PLA2G4C: variants seen among roughly 807,000 people sequenced by gnomAD.
PLA2G4C encodes the protein cytosolic phospholipase A2 gamma.
PLA2G4C carries 64 observed loss-of-function variants against 73.8 expected under a neutral mutation model. The observed-to-expected ratio is 0.87, with a 90% CI of 0.71 to 1.07. The LOEUF (loss-of-function observed/expected upper bound fraction) is 1.07. Ranked by LOEUF, PLA2G4C falls within the 50% of genes least tolerant of loss-of-function variation. PLA2G4C has a pLI of 0.00. For synonymous variants in PLA2G4C, 254 were observed against 252.1 expected, an observed-to-expected ratio of 1.01 and a Z score of -0.07; for missense variants, 622 against 665.4, an observed-to-expected ratio of 0.93 and a Z score of 0.72.
chr19:48,074,690 G>A, intron 12 of PLA2G4C, 77 bp downstream of exon 12: 1 of 949,454 alleles, frequency 1.1e-6, no homozygotes, highest in Non-Finnish European at 1.7e-6. Flanking sequence ...TGGCCCACAG[G>A]GGTGGGGAAG....
At chr19:48,053,754 T>C (rs1014680058) in intron 15 of PLA2G4C, among the ~76,000 whole-genome samples, 3 of 152,128 alleles carry the variant, frequency 2.0e-5, no homozygotes, top group African/African-American at 7.2e-5. Context: ...CAATAAATGT[T>C]CGTTAAATGA....
chr19:48,064,289 C>G (rs939835918), intron 13 of PLA2G4C, among the ~76,000 whole-genome samples: 23 of 152,020 alleles, frequency 1.5e-4, no homozygotes, highest in African/African-American at 5.1e-4. Context: ...ATTAGCCAGG[C>G]GTGGTGGCAC....
intron 9 of PLA2G4C, among the ~76,000 whole-genome samples, chr19:48,086,884 C>T (rs11564574): frequency 0.027 from 4,182 of 152,262 alleles, 150 homozygotes; most frequent in African/African-American, 0.084. Flanking sequence ...TAAGGCTGTC[C>T]ATCAGCAAGG....
chr19:48,057,525 T>C (rs1968001728), intron 14 of PLA2G4C, among the ~76,000 whole-genome samples: 1 of 113,578 alleles, frequency 8.8e-6, no homozygotes, highest in South Asian at 3.3e-4. Context: ...AGTCTCGCTC[T>C]GTTGCCCAGG....
At chr19:48,090,687 T>C in intron 7 of PLA2G4C, 1 of 442,016 alleles carries the variant, frequency 2.3e-6, no homozygotes, top group Non-Finnish European at 4.1e-6. Flanking sequence ...GTAGACTGGC[T>C]ACCCCAAGGC....
At chr19:48,100,004 A>T (rs1325947189) in intron 4 of PLA2G4C, 144 bp from the exon 5 acceptor site, 2 of 555,010 alleles carry the variant, frequency 3.6e-6, no homozygotes, top group Non-Finnish European at 6.3e-6. Context: ...AATTTCCATT[A>T]AATAAATACA....
chr19:48,107,153 G>C (rs1369197843), intron 1 of PLA2G4C, among the ~76,000 whole-genome samples: 9 of 151,700 alleles, frequency 5.9e-5, no homozygotes, highest in Non-Finnish European at 1.2e-4. Flanking sequence ...CCTGAGACTA[G>C]GGTTTTTTAA....
Position 48,062,052 on chromosome 19 carries a change from CG to C in PLA2G4C, c.1202del (p.Thr401SerfsTer38). The C allele has an allele frequency of 6.2e-7, 1 of 1,613,842 alleles. No individual in the cohort carries two copies. Among genetic ancestry groups the C allele is most frequent in the South Asian group, 1.1e-5 (1 of 91,064 alleles). On this transcript the variant is annotated frameshift_variant, in exon 14 of 17. Coordinates refer to ENST00000599921, the MANE Select transcript of PLA2G4C (RefSeq NM_003706.3). LOFTEE classifies it high-confidence loss of function. ...AGGAGAGGATGAGGTGAACCTCCCG[CG>C]TCGGGGGCAGCACGAGTGGGAAGGG... ...NTPFPLVLPP[T>X]REVHLILSFD...
intron 16 of PLA2G4C, among the ~76,000 whole-genome samples, chr19:48,050,673 CTTTTTTTTTTT>C (rs5828330): frequency 1.3e-5 from 1 of 78,746 alleles, no homozygotes; most frequent in African/African-American, 4.3e-5. Flanking sequence ...GAGTATGTGA[CTTTTTTTTTTT>C]TTTTTTTTGA....
Position 48,110,739 on chromosome 19 carries a change from G to A in PLA2G4C, c.-285C>T, listed in dbSNP as rs530531077. ...CCTGGTCCTGAGCAGGGCCAACCTG[G>A]AGGTAAAATGGCCCCTGCGCCTTTA... On this transcript the variant is annotated 5_prime_UTR_variant, in exon 1 of 17. Coordinates refer to ENST00000599921, the MANE Select transcript of PLA2G4C (RefSeq NM_003706.3). The A allele has an allele frequency of 4.9e-6, 2 of 409,998 alleles. No individual in the cohort carries two copies. Among genetic ancestry groups the A allele is most frequent in the East Asian group, 4.1e-5 (1 of 24,454 alleles). 25.4% of individuals were successfully genotyped at this position (409,998 alleles called of 1,614,324 possible).
chr19:48,066,743 T>A (rs1968438449), intron 13 of PLA2G4C, among the ~76,000 whole-genome samples: 1 of 151,858 alleles, frequency 6.6e-6, no homozygotes, highest in Non-Finnish European at 1.5e-5. Context: ...GGTGGGAGGA[T>A]CGCTTGAGCC....
At chr19:48,082,027 G>T (rs1420733559) in intron 10 of PLA2G4C, among the ~76,000 whole-genome samples, 1 of 151,958 alleles carries the variant, frequency 6.6e-6, no homozygotes. Flanking sequence ...GTTGCAGTGA[G>T]ACGAGATCTT....
intron 16 of PLA2G4C, among the ~76,000 whole-genome samples, chr19:48,051,207 G>A (rs953405785): frequency 1.3e-5 from 2 of 152,184 alleles, no homozygotes; most frequent in African/African-American, 4.8e-5. Context: ...GCTGAAAAAG[G>A]CAAGGAACAG....
At position 48,067,667 on chromosome 19, in the gene PLA2G4C, C is replaced by T. The variant is rs1344768918; in HGVS notation, c.1102+124G>A. ...AATCAGATCCCTGGGCCCTTTGACA[C>T]CACCCCCCTCCAAAGCTCTGGGGAA... On this transcript the variant is annotated intron_variant, in intron 13 of 16. Transcript: ENST00000599921. 5.5e-6 allele frequency: 4 copies of T among 732,260 alleles called. No homozygotes were observed. In the Admixed American group the frequency reaches 5.8e-5, roughly 11 times the overall value. The allele number at this position is 732,260 out of a possible 1,614,324, so 45.4% of individuals were successfully genotyped here.
intron 12 of PLA2G4C, among the ~76,000 whole-genome samples, chr19:48,070,962 G>T (rs189203240): frequency 2.6e-5 from 4 of 152,130 alleles, no homozygotes; most frequent in African/African-American, 9.7e-5. Flanking sequence ...ATGGATTTTG[G>T]ACTTGTCATC....
intron 4 of PLA2G4C, among the ~76,000 whole-genome samples, chr19:48,100,601 T>TC (rs2031848350): frequency 4.4e-5 from 3 of 67,710 alleles, no homozygotes; most frequent in Non-Finnish European, 7.1e-5. Context: ...CGTGACTCCA[T>TC]CTAAAAAAAA....
chr19:48,054,865 C>A lies in PLA2G4C; in HGVS notation c.1429+13G>T. 2 of 1,613,524 alleles carry A rather than the reference C, an allele frequency of 1.2e-6. No homozygotes were observed. The highest frequency in any genetic ancestry group is 1.7e-6 in the Non-Finnish European group (2 of 1,179,630). ...TACAGGTGGCTTCTCACCTGCTCCT[C>A]CCCTGCACCTACCTCCACAGGCATC... On this transcript the variant is annotated intron_variant, in intron 15 of 16. Transcript: ENST00000599921.
chr19:48,067,757 A>G, intron 13 of PLA2G4C, 34 bp downstream of exon 13: 2 of 1,393,764 alleles, frequency 1.4e-6, no homozygotes, highest in Non-Finnish European at 2.0e-6. Context: ...ACACGCAAGG[A>G]CAGACCAGGG....
At chr19:48,070,144 T>G (rs1452952834) in intron 12 of PLA2G4C, among the ~76,000 whole-genome samples, 1 of 152,132 alleles carries the variant, frequency 6.6e-6, no homozygotes, top group African/African-American at 2.4e-5. Context: ...CCTTATAGAT[T>G]TATGAGGAAT....
Sources: gnomAD v4.1 joint callset for allele counts (sites outside exome capture counted in the v4.1 genomes callset) on GRCh38, gnomAD v4.1.1 for gene constraint, MANE v1.5 for transcripts, NCBI Gene and HGNC (gene_info 2026-07-23, HGNC 2026-07-21) for gene names.